Variants in POLR1D observed in about 807,000 individuals in gnomAD.
POLR1D encodes the protein RNA polymerase I and III subunit D.
A neutral mutation model predicts 10.8 loss-of-function variants in POLR1D; 8 were observed. The ratio of observed to expected loss-of-function variants is 0.74; its 90% CI spans 0.43 to 1.33. The LOEUF (loss-of-function observed/expected upper bound fraction) is 1.33, where lower values mean the gene tolerates loss of function less well. Ranked by LOEUF, POLR1D falls within the 40% of genes most tolerant of loss-of-function variation. POLR1D has a pLI of 0.01. For synonymous variants in POLR1D, 54 were observed against 57.2 expected (o/e 0.94, Z 0.25); for missense variants, 152 against 161.7 (o/e 0.94, Z 0.32).
chr13:27,657,784 G>A (rs930560590), intron 2 of POLR1D, among the ~76,000 whole-genome samples: 1 of 152,116 alleles, frequency 6.6e-6, no homozygotes, highest in Non-Finnish European at 1.5e-5. Context: ...CTCTCATAAT[G>A]TTCACATTTT....
At chr13:27,658,382 C>T (rs1956328241) in intron 2 of POLR1D, among the ~76,000 whole-genome samples, 1 of 152,340 alleles carries the variant, frequency 6.6e-6, no homozygotes, top group Non-Finnish European at 1.5e-5. Flanking sequence ...TGTTCAGCCA[C>T]AAGAGTCCCA....
rs1239632864 is a variant in POLR1D at position 27,663,202 on chromosome 13, T to TA, written c.102-2483dup. Among the ~76,000 whole-genome samples, 4 of 151,466 alleles carry TA rather than the reference T, an allele frequency of 2.6e-5. No homozygotes were observed. Among genetic ancestry groups the TA allele is most frequent in the African/African-American group, 7.3e-5 (3 of 41,318 alleles). On this transcript the variant is annotated intron_variant, in intron 2 of 2. Coordinates refer to the POLR1D transcript ENST00000399697. This position sits in a 1 kb window ranked among gnomAD's most constrained non-coding sequence, Gnocchi z 4.1. ...CCTTCACATCTGCTTGCAACTACTGTATCTCATTGCCCTGCCCTATTTATT... is the reference window on the plus strand; with the variant it reads ...CCTTCACATCTGCTTGCAACTACTGTAATCTCATTGCCCTGCCCTATTTATT...
exon 3 of POLR1D, chr13:27,665,800 A>C (rs1177981690): frequency 6.2e-7 from 1 of 1,614,106 alleles, no homozygotes; most frequent in African/African-American, 1.3e-5. Flanking sequence ...ATAAGGAACC[A>C]GCGAAGAGCC....
At chr13:27,640,747 A>C (rs981247830) in intron 1 of POLR1D, among the ~76,000 whole-genome samples, 3 of 152,200 alleles carry the variant, frequency 2.0e-5, no homozygotes, top group African/African-American at 7.2e-5. Flanking sequence ...GTTTTTTAAT[A>C]CTTTTAGACT....
At chr13:27,635,161 G>T (rs537040153) in intron 1 of POLR1D, among the ~76,000 whole-genome samples, 1 of 152,262 alleles carries the variant, frequency 6.6e-6, no homozygotes, top group East Asian at 1.9e-4. Flanking sequence ...TCAAATGAAT[G>T]AGAGAGTAAC....
chr13:27,658,004 G>A (rs939438194), intron 2 of POLR1D, among the ~76,000 whole-genome samples: 2 of 152,140 alleles, frequency 1.3e-5, no homozygotes, highest in East Asian at 1.9e-4. Context: ...TCATCTGCTC[G>A]TTCTGGAAGA....
chr13:27,642,151 G>A (rs966898194), intron 1 of POLR1D, among the ~76,000 whole-genome samples: 1 of 152,180 alleles, frequency 6.6e-6, no homozygotes, highest in Non-Finnish European at 1.5e-5. Context: ...GAATAATATT[G>A]GAAGCTAAAC....
intron 1 of POLR1D, among the ~76,000 whole-genome samples, chr13:27,630,983 C>G (rs543023087): frequency 1.5e-3 from 233 of 152,346 alleles, no homozygotes; most frequent in Non-Finnish European, 1.9e-3. Flanking sequence ...TGGCACTTGC[C>G]CTTTACTTCC....
At chr13:27,650,311 A>G (rs11841409) in intron 2 of POLR1D, 41,279 of 365,472 alleles carry the variant, frequency 0.11, 2,705 homozygotes, top group East Asian at 0.22. Context: ...TTGCCAAGCA[A>G]GGAAGCTCAC....
upstream of POLR1D, chr13:27,621,120 G>A (rs2232665): frequency 0.042 from 6,508 of 153,602 alleles, 194 homozygotes; most frequent in Non-Finnish European, 0.064. Flanking sequence ...CGAGGCGGGG[G>A]CTGGGCGCCT....
At chr13:27,628,615 A>G (rs974728510) in intron 1 of POLR1D, among the ~76,000 whole-genome samples, 15 of 152,358 alleles carry the variant, frequency 9.8e-5, no homozygotes, top group Non-Finnish European at 1.2e-4. Context: ...CTAGAGGAAT[A>G]AATTGTATAT....
intron 2 of POLR1D, among the ~76,000 whole-genome samples, chr13:27,652,421 G>T (rs1190511638): frequency 6.6e-6 from 1 of 152,192 alleles, no homozygotes; most frequent in Non-Finnish European, 1.5e-5. Flanking sequence ...GGTTAGGTTG[G>T]TAGTTACACA....
At position 27,641,260 on chromosome 13, in the gene POLR1D, C is replaced by A. The variant is rs1593285618; in HGVS notation, c.27-7119C>A. Among the ~76,000 whole-genome samples the A allele has an allele frequency of 3.9e-5, 6 of 152,318 alleles. No individual in the cohort carries two copies. In the South Asian group the frequency reaches 1.2e-3, roughly 32 times the overall value. ...AGCGTTTGCTTGACAGCAATTGGGC[C>A]ATATGCTAAACTTCCATATTAATTC... On this transcript the variant is annotated intron_variant, in intron 1 of 2. Coordinates refer to the POLR1D transcript ENST00000399697.
chr13:27,652,917 T>TC (rs1566150960), intron 2 of POLR1D, among the ~76,000 whole-genome samples: 1 of 134,498 alleles, frequency 7.4e-6, no homozygotes, highest in African/African-American at 2.9e-5. Context: ...ATTTCTTTTT[T>TC]TTTTTTTTTT....
At chr13:27,666,381 G>A (rs1956419410) in exon 3 of POLR1D, 1 of 160,020 alleles carries the variant, frequency 6.2e-6, no homozygotes, top group Admixed American at 6.1e-5. Flanking sequence ...TCAGTCCAGT[G>A]ACCATATTTA....
chr13:27,621,353 A>C (rs754011357), upstream of POLR1D: 9 of 152,416 alleles, frequency 5.9e-5, no homozygotes, highest in Non-Finnish European at 1.0e-4. Flanking sequence ...ATGCAACTGC[A>C]AGCTCCCCGG....
rs200954769 is a variant in POLR1D at position 27,658,459 on chromosome 13, GTGGCCA to G, written c.102-7221_102-7216del. 9.4e-3 allele frequency among the ~76,000 whole-genome samples: 1,433 copies of G among 152,286 alleles called. 24 individuals are homozygous for G. The highest frequency in any genetic ancestry group is 0.033 in the African/African-American group (1,363 of 41,558). On this transcript the variant is annotated intron_variant, in intron 2 of 2. Coordinates refer to the POLR1D transcript ENST00000399697. ...AAGAGTAGCAATCTGTTGTTCACTA[GTGGCCA>G]TGGCCTGTTTTTTTCTAAGTATCTA...
chr13:27,630,870 G>A (rs189089987), intron 1 of POLR1D, among the ~76,000 whole-genome samples: 4 of 152,072 alleles, frequency 2.6e-5, no homozygotes, highest in Non-Finnish European at 4.4e-5. Flanking sequence ...TGAGCTGCCC[G>A]CCTCCCCCAC....
At position 27,650,339 on chromosome 13, in the gene POLR1D, A is replaced by C. The variant is rs559531418; in HGVS notation, c.101+1886A>C. 4.6e-5 allele frequency: 15 copies of C among 327,984 alleles called. No homozygotes were observed. In the South Asian group the frequency reaches 2.2e-3, roughly 48 times the overall value. The allele number at this position is 327,984 out of a possible 1,614,324, so 20.3% of individuals were successfully genotyped here. ...AAGCTCACCTGAGCCTCAGTGTTCA[A>C]AGTTTTTATTGAGGTTTCATTACAT... On this transcript the variant is annotated intron_variant, in intron 2 of 2. Transcript: ENST00000399697.
Sources: gnomAD v4.1 joint callset for allele counts (sites outside exome capture counted in the v4.1 genomes callset) on GRCh38, gnomAD v4.1.1 for gene constraint, Gnocchi (gnomAD v3.1) non-coding constraint, MANE v1.5 for transcripts, NCBI Gene and HGNC (gene_info 2026-07-23, HGNC 2026-07-21) for gene names.